NELL2: variants seen among roughly 807,000 people sequenced by gnomAD.
The protein encoded by NELL2 is neural EGFL like 2.
In NELL2, 41 loss-of-function variants were observed where a neutral mutation model predicts 109.6. The observed-to-expected ratio is 0.37, with a 90% CI of 0.29 to 0.49. The LOEUF (loss-of-function observed/expected upper bound fraction) is 0.49. Ranked by LOEUF, NELL2 falls within the 20% of genes least tolerant of loss-of-function variation. NELL2 has a pLI of 0.98. For missense variants in NELL2, 900 were observed against 1,008.3 expected, an observed-to-expected ratio of 0.89 and a Z score of 1.45; for synonymous variants, 355 against 344.7, an observed-to-expected ratio of 1.03 and a Z score of -0.33.
chr12:44,809,482 G>T (rs865866264), intron 3 of NELL2, among the ~76,000 whole-genome samples: 71 of 151,904 alleles, frequency 4.7e-4, no homozygotes, highest in African/African-American at 1.6e-3. Context: ...TTACTGTCTG[G>T]TTTTTTTTAG....
In NELL2 at chr12:44,848,141, A is replaced by C. The variant is rs535629972; in HGVS notation, c.184+27084T>G. 2.6e-5 allele frequency among the ~76,000 whole-genome samples: 4 copies of C among 152,244 alleles called. No homozygotes were observed. The South Asian group carries it at 8.3e-4, about 32-fold the overall frequency. On this transcript the variant is annotated intron_variant, in intron 2 of 19. Coordinates refer to ENST00000429094, the MANE Select transcript of NELL2 (RefSeq NM_001145108.2). ...ATAAACTTAGGGCATAGCCACATCA[A>C]AGTAAACACTGAAGTGCAGCAGTGT...
At chr12:44,641,501 A>G (rs1420792353) in intron 13 of NELL2, among the ~76,000 whole-genome samples, 1 of 152,070 alleles carries the variant, frequency 6.6e-6, no homozygotes, top group Non-Finnish European at 1.5e-5. Flanking sequence ...TGCCTCTGCT[A>G]GTGCTGACAT....
At chr12:44,913,379 G>C (rs403735) in intron 1 of NELL2, among the ~76,000 whole-genome samples, 5,295 of 152,144 alleles carry the variant, frequency 0.035, 199 homozygotes, top group African/African-American at 0.085. Flanking sequence ...TTGATTTCTA[G>C]TTTTTTCTTT....
chr12:44,901,085 A>T (rs1217191312), intron 1 of NELL2, among the ~76,000 whole-genome samples: 1 of 152,146 alleles, frequency 6.6e-6, no homozygotes, highest in Non-Finnish European at 1.5e-5. Context: ...TATGAAAAAG[A>T]CTTCAAAAAA....
intron 2 of NELL2, among the ~76,000 whole-genome samples, chr12:44,840,628 T>C (rs1471960275): frequency 1.3e-5 from 2 of 149,256 alleles, no homozygotes; most frequent in African/African-American, 5.0e-5. Flanking sequence ...AGAGCGAGAC[T>C]CCGTCTCAAA....
At chr12:44,792,700 G>C (rs1942479732) in intron 3 of NELL2, among the ~76,000 whole-genome samples, 1 of 152,086 alleles carries the variant, frequency 6.6e-6, no homozygotes, top group African/African-American at 2.4e-5. Flanking sequence ...AATCAGATTA[G>C]CAAAAATTAA....
chr12:44,872,066 C>A lies in NELL2; in HGVS notation c.184+3159G>T, dbSNP rs74082138. 7.2e-3 allele frequency among the ~76,000 whole-genome samples: 1,096 copies of A among 152,198 alleles called. 14 individuals are homozygous for A. Among genetic ancestry groups the A allele is most frequent in the African/African-American group, 0.025 (1,043 of 41,542 alleles). On this transcript the variant is annotated intron_variant, in intron 2 of 19. Transcript: ENST00000429094. The stretch of plus-strand genomic sequence containing the variant: ...GCTTCTGTATACTCTCATTCCTGAT[C>A]CCTCATGTACAGAGAGGAAAAAAAC...
chr12:44,861,504 C>A lies in NELL2; in HGVS notation c.184+13721G>T, dbSNP rs550070761. On this transcript the variant is annotated intron_variant, in intron 2 of 19. Coordinates refer to ENST00000429094, the MANE Select transcript of NELL2 (RefSeq NM_001145108.2). The stretch of plus-strand genomic sequence containing the variant: ...TCAACATTAGATTGGCCCCCATAGA[C>A]CCAGGCTCCAGACCCATCCCAGAAA... Among the ~76,000 whole-genome samples the A allele has an allele frequency of 4.6e-5, 7 of 152,302 alleles. No homozygotes were observed. The East Asian group carries it at 1.2e-3, about 25-fold the overall frequency.
intron 9 of NELL2, among the ~76,000 whole-genome samples, chr12:44,773,352 T>C (rs1941623897): frequency 6.6e-6 from 1 of 152,016 alleles, no homozygotes; most frequent in African/African-American, 2.4e-5. Flanking sequence ...GGCAGGCACC[T>C]GTAGTCCCGA....
At chr12:44,665,339 A>G (rs1947885455) in intron 13 of NELL2, 145 bp downstream of exon 13, 1 of 640,510 alleles carries the variant, frequency 1.6e-6, no homozygotes, top group Non-Finnish European at 2.5e-6. Context: ...AGATTAAGAA[A>G]TAACTACCAA....
intron 2 of NELL2, 152 bp from the exon 3 acceptor site, chr12:44,816,288 A>G: frequency 1.7e-6 from 1 of 590,926 alleles, no homozygotes; most frequent in Non-Finnish European, 2.8e-6. Context: ...ATTTTTCAAA[A>G]AGACTTTATG....
intron 15 of NELL2, among the ~76,000 whole-genome samples, chr12:44,568,481 G>C (rs1331004613): frequency 6.6e-6 from 1 of 152,078 alleles, no homozygotes; most frequent in African/African-American, 2.4e-5. Context: ...GACTCATCTA[G>C]AGATGGTATT....
rs552594565 is a variant in NELL2, at chr12:44,518,516, A to AT, written c.2400+1488dup. Among the ~76,000 whole-genome samples the AT allele has an allele frequency of 6.8e-4, 104 of 152,258 alleles. 3 individuals are homozygous for AT. In the South Asian group the frequency reaches 0.021, roughly 31 times the overall value. ...CACCTCAGCCTCCCAAAATGCTGGG[A>AT]TTACAGGCGTGAGCCACCGTGCCCG... On this transcript the variant is annotated intron_variant, in intron 19 of 19. Transcript: ENST00000429094.
intron 2 of NELL2, among the ~76,000 whole-genome samples, chr12:44,846,124 C>A (rs919122414): frequency 6.6e-6 from 1 of 152,156 alleles, no homozygotes; most frequent in African/African-American, 2.4e-5. Context: ...ACTGACTTGG[C>A]CATGCACATG....
At position 44,876,051 on chromosome 12, in the gene NELL2, G is replaced by A; in HGVS notation, c.-182C>T. On this transcript the variant is annotated 5_prime_UTR_variant, in exon 1 of 20. In the 5' UTR this introduces an upstream ATG that the reference lacks. Coordinates refer to ENST00000429094, the MANE Select transcript of NELL2 (RefSeq NM_001145108.2). ...AGAAAAGGGAGGCCTCCCCAGGCGC[G>A]TGAAGAACTTAGACCCTCCAATGCG... The A allele has an allele frequency of 6.8e-7, 1 of 1,465,588 alleles. No homozygotes were observed. Among genetic ancestry groups the A allele is most frequent in the Non-Finnish European group, 9.0e-7 (1 of 1,115,072 alleles). The allele number at this position is 1,465,588 out of a possible 1,614,324, so 90.8% of individuals were successfully genotyped here.
At chr12:44,902,015 C>T (rs1592713085) in intron 1 of NELL2, among the ~76,000 whole-genome samples, 1 of 152,170 alleles carries the variant, frequency 6.6e-6, no homozygotes, top group East Asian at 1.9e-4. Context: ...CCTCTCTCAT[C>T]ACTCCTATTC....
In NELL2 at chr12:44,769,855, GA is replaced by G. The variant is rs373483155; in HGVS notation, c.994+4891del. Among the ~76,000 whole-genome samples, 39 of 152,230 alleles carry G rather than the reference GA, an allele frequency of 2.6e-4. 1 individual carries two copies. The East Asian group carries it at 2.7e-3, about 11-fold the overall frequency. On this transcript the variant is annotated intron_variant, in intron 9 of 19. Transcript: ENST00000429094. Reference sequence around the variant, plus strand: ...GCAGCTACATTTTTGACCCGCATCAGAAATATGGATGAGCCTCACAAAGGTG... The same window carrying G: ...GCAGCTACATTTTTGACCCGCATCAGAATATGGATGAGCCTCACAAAGGTG...
At position 44,798,926 on chromosome 12, in the gene NELL2, A is replaced by C. The variant is rs1170636397; in HGVS notation, c.335+17060T>G. On this transcript the variant is annotated intron_variant, in intron 3 of 19. Transcript: ENST00000429094. Reference sequence around the variant, plus strand: ...TGGCTATTCATATAGGGGAAAAAAGAACTTTGCAAATGATTTCCACTTTTT... The same window carrying C: ...TGGCTATTCATATAGGGGAAAAAAGCACTTTGCAAATGATTTCCACTTTTT... Among the ~76,000 whole-genome samples the C allele has an allele frequency of 2.7e-5, 4 of 149,252 alleles. No homozygotes were observed. In the South Asian group the frequency reaches 8.4e-4, roughly 31 times the overall value.
chr12:44,878,124 A>G (rs555056208), upstream of NELL2, among the ~76,000 whole-genome samples: 55 of 152,306 alleles, frequency 3.6e-4, no homozygotes, highest in African/African-American at 1.3e-3. Flanking sequence ...ACCTGTGTTC[A>G]ACCAACTCAT....
Sources: allele counts gnomAD v4.1 joint callset (sites outside exome capture counted in the v4.1 genomes callset), GRCh38; gene constraint gnomAD v4.1.1; transcripts MANE v1.5; gene names NCBI Gene and HGNC (gene_info 2026-07-23, HGNC 2026-07-21).